Variants in ATP10B observed in about 807,000 individuals in gnomAD.
The protein encoded by ATP10B is ATPase phospholipid transporting 10B (putative), also known as phospholipid-transporting ATPase VB.
Under a neutral mutation model 141.2 loss-of-function variants are expected in ATP10B, and 122 were observed. The observed-to-expected ratio is 0.86, with a 90% CI of 0.75 to 1.00. The LOEUF is 1.00. Ranked by LOEUF, ATP10B falls within the 50% of genes least tolerant of loss-of-function variation. The pLI, the probability that ATP10B is intolerant of heterozygous loss-of-function variation, is 0.00. For missense variants in ATP10B, 1,876 were observed against 1,825.3 expected (o/e 1.03, Z -0.51); for synonymous variants, 685 against 692.0 (o/e 0.99, Z 0.16).
At chr5:160,578,240 A>G (rs1417208335) in intron 24 of ATP10B, among the ~76,000 whole-genome samples, 1 of 152,132 alleles carries the variant, frequency 6.6e-6, no homozygotes, top group Admixed American at 6.6e-5. Flanking sequence ...CTACATGTGC[A>G]GAATGTGCAG....
At chr5:160,745,934 A>G (rs1045426288) in intron 2 of ATP10B, among the ~76,000 whole-genome samples, 10 of 152,202 alleles carry the variant, frequency 6.6e-5, no homozygotes, top group African/African-American at 2.4e-4. Context: ...CATAATTTAA[A>G]TGAATTGGGA....
chr5:160,653,799 G>T (rs182275081), intron 7 of ATP10B, among the ~76,000 whole-genome samples: 1 of 108,590 alleles, frequency 9.2e-6, no homozygotes, highest in Admixed American at 1.1e-4. Context: ...TTATATAGAC[G>T]TATATACATA....
intron 22 of ATP10B, among the ~76,000 whole-genome samples, chr5:160,593,650 T>C (rs144773156): frequency 0.016 from 2,378 of 152,286 alleles, 28 homozygotes; most frequent in Middle Eastern, 0.075. Flanking sequence ...GGCAAAGAAG[T>C]TAAAAACTTT....
chr5:160,655,314 A>G (rs968286854), intron 7 of ATP10B, among the ~76,000 whole-genome samples: 1 of 150,872 alleles, frequency 6.6e-6, no homozygotes, highest in Non-Finnish European at 1.5e-5. Flanking sequence ...CACTCCCTCT[A>G]TGAAGCTCAC....
At chr5:160,640,432 G>A in intron 10 of ATP10B, 29 bp downstream of exon 10, 1 of 1,610,644 alleles carries the variant, frequency 6.2e-7, no homozygotes, top group South Asian at 1.1e-5. Flanking sequence ...CGATTACTGT[G>A]TCCTTGTTCT....
intron 3 of ATP10B, among the ~76,000 whole-genome samples, chr5:160,706,547 G>A (rs1193231665): frequency 6.6e-6 from 1 of 152,156 alleles, no homozygotes; most frequent in African/African-American, 2.4e-5. Flanking sequence ...ACCTCAACGT[G>A]AGCCAGAATT....
At chr5:160,653,798 C>CATATATACATATATATTATATA (rs1299387294) in intron 7 of ATP10B, among the ~76,000 whole-genome samples, 1 of 110,910 alleles carries the variant, frequency 9.0e-6, no homozygotes, top group Admixed American at 1.1e-4. Flanking sequence ...ATTATATAGA[C>CATATATACATATATATTATATA]GTATATACAT....
chr5:160,842,421 TA>T (rs1421829775), intron 1 of ATP10B, among the ~76,000 whole-genome samples: 1 of 151,536 alleles, frequency 6.6e-6, no homozygotes, highest in South Asian at 2.1e-4. Context: ...TACAAGAAGA[TA>T]AAAAAATAAA....
Position 160,602,714 on chromosome 5 carries a change from G to A in ATP10B, c.3238-12C>T, listed in dbSNP as rs542300879. On this transcript the variant is annotated splice_polypyrimidine_tract_variant and intron_variant, in intron 20 of 25. Coordinates refer to ENST00000327245, the MANE Select transcript of ATP10B (RefSeq NM_025153.3). ...CTGGACATGACAGCCTGAGAGGTGAGAACAGACACATCAGCTTCCATCCAT... is the reference window on the plus strand; with the variant it reads ...CTGGACATGACAGCCTGAGAGGTGAAAACAGACACATCAGCTTCCATCCAT... 1 of 1,613,616 alleles carries A rather than the reference G, an allele frequency of 6.2e-7. No homozygotes were observed. Among genetic ancestry groups the A allele is most frequent in the South Asian group, 1.1e-5 (1 of 91,042 alleles).
chr5:160,922,403 C>T, the ATP10B span, among the ~76,000 whole-genome samples: 3 of 152,042 alleles, frequency 2.0e-5, no homozygotes, highest in East Asian at 5.8e-4. Context: ...TGTTAGTGCT[C>T]AGTAAATAGA....
chr5:160,816,653 G>A (rs926187610), intron 1 of ATP10B, among the ~76,000 whole-genome samples: 4 of 152,312 alleles, frequency 2.6e-5, no homozygotes, highest in Admixed American at 2.6e-4. Context: ...CTCATTTTAT[G>A]AGGCCAGCAT....
At chr5:160,880,107 A>G in the ATP10B span, among the ~76,000 whole-genome samples, 1 of 149,164 alleles carries the variant, frequency 6.7e-6, no homozygotes, top group South Asian at 2.1e-4. Flanking sequence ...AAACTATTAT[A>G]AAAGAAATTA....
intron 1 of ATP10B, among the ~76,000 whole-genome samples, chr5:160,796,724 G>A (rs1181577997): frequency 2.6e-5 from 4 of 152,168 alleles, no homozygotes; most frequent in Admixed American, 6.5e-5. Context: ...CCCCTCTGAC[G>A]TCTTGTCTAT....
chr5:160,873,733 G>A, the ATP10B span, among the ~76,000 whole-genome samples: 7 of 152,222 alleles, frequency 4.6e-5, no homozygotes, highest in African/African-American at 1.7e-4. Flanking sequence ...AAGTGCAAGG[G>A]GTCAGGGAGG....
intron 1 of ATP10B, among the ~76,000 whole-genome samples, chr5:160,832,152 T>C (rs774906863): frequency 1.3e-5 from 2 of 152,130 alleles, no homozygotes; most frequent in Non-Finnish European, 2.9e-5. Context: ...TGAGATCACA[T>C]TGTGTTTATT....
Position 160,594,131 on chromosome 5 carries a change from C to T in ATP10B, c.3565-2992G>A, listed in dbSNP as rs554784640. Reference sequence around the variant, plus strand: ...ATGAAGGAAAAAATGTCAAGGGCAGCCAGAGAGAAAGGTCAGGTTACCCAC... The same window carrying T: ...ATGAAGGAAAAAATGTCAAGGGCAGTCAGAGAGAAAGGTCAGGTTACCCAC... On this transcript the variant is annotated intron_variant, in intron 22 of 25. Transcript: ENST00000327245. Among the ~76,000 whole-genome samples, 139 of 152,250 alleles carry T rather than the reference C, an allele frequency of 9.1e-4. 2 individuals carry two copies. Among genetic ancestry groups the T allele is most frequent in the African/African-American group, 3.1e-3 (130 of 41,534 alleles).
At chr5:160,861,645 ATGC>A in the ATP10B span, among the ~76,000 whole-genome samples, 1 of 151,904 alleles carries the variant, frequency 6.6e-6, no homozygotes, top group African/African-American at 2.4e-5. Flanking sequence ...ATAATTATTT[ATGC>A]TGAATACAAG....
At chr5:160,742,323 C>T (rs1329812085) in intron 2 of ATP10B, among the ~76,000 whole-genome samples, 2 of 152,000 alleles carry the variant, frequency 1.3e-5, no homozygotes, top group African/African-American at 4.8e-5. Flanking sequence ...CTGTTACTCA[C>T]ATCCTTCACT....
At chr5:160,771,602 C>A (rs1274973642) in intron 2 of ATP10B, among the ~76,000 whole-genome samples, 9 of 152,158 alleles carry the variant, frequency 5.9e-5, no homozygotes, top group African/African-American at 2.2e-4. Flanking sequence ...TTACTATAGT[C>A]AAGCTAATTA....
Sources: gnomAD v4.1 joint callset for allele counts (sites outside exome capture counted in the v4.1 genomes callset) on GRCh38, gnomAD v4.1.1 for gene constraint, MANE v1.5 for transcripts, NCBI Gene and HGNC (gene_info 2026-07-23, HGNC 2026-07-21) for gene names.